Variants in GNG2 observed in about 807,000 individuals in gnomAD.
GNG2 encodes guanine nucleotide-binding protein G(I)/G(S)/G(O) subunit gamma-2.
Under a neutral mutation model 5.5 loss-of-function variants are expected in GNG2, and 5 were observed. That is an observed-to-expected ratio of 0.91 (90% CI 0.48 to 1.92). The LOEUF (loss-of-function observed/expected upper bound fraction) is 1.92, where lower values mean the gene tolerates loss of function less well. Among genes scored for constraint, GNG2 ranks in the 30% most tolerant of loss-of-function variants. GNG2 has a pLI of 0.01. For synonymous variants in GNG2, 28 were observed against 32.0 expected, an observed-to-expected ratio of 0.88 and a Z score of 0.42; for missense variants, 55 against 88.4, an observed-to-expected ratio of 0.62 and a Z score of 1.52.
intron 2 of GNG2, chr14:51,918,408 A>G (rs528289555): frequency 3.3e-5 from 5 of 152,140 alleles, no homozygotes; most frequent in Non-Finnish European, 7.4e-5. Flanking sequence ...AAAAAAGCAG[A>G]TTTTGCAGTT....
intron 2 of GNG2, among the ~76,000 whole-genome samples, chr14:51,943,428 C>G (rs1471976233): frequency 3.9e-5 from 6 of 152,216 alleles, no homozygotes; most frequent in Non-Finnish European, 8.8e-5. Flanking sequence ...AAAAGGGACA[C>G]TAGCAAAGAA....
intron 2 of GNG2, among the ~76,000 whole-genome samples, chr14:51,901,963 T>TAAAAA (rs34308582): frequency 1.1e-4 from 6 of 56,446 alleles, no homozygotes; most frequent in African/African-American, 3.3e-4. Flanking sequence ...TAACAATCTG[T>TAAAAA]AAAAAAAAAA....
chr14:51,862,830 G>C lies in GNG2; in HGVS notation c.-71+2040G>C, dbSNP rs146412840. ...CAGCAGATCAGTAACTATGATGGTA[G>C]AATGTTTAGGAAAAAGATGAATATG... On this transcript the variant is annotated intron_variant, in intron 1 of 3. Coordinates refer to ENST00000556766, the MANE Select transcript of GNG2 (RefSeq NM_053064.5). Among the ~76,000 whole-genome samples, 166 of 152,338 alleles carry C rather than the reference G, an allele frequency of 1.1e-3. 1 individual carries two copies. The highest frequency in any genetic ancestry group is 2.1e-3 in the Non-Finnish European group (141 of 68,032).
At chr14:51,909,414 A>G (rs971551796) in intron 2 of GNG2, among the ~76,000 whole-genome samples, 10 of 152,194 alleles carry the variant, frequency 6.6e-5, no homozygotes, top group African/African-American at 2.2e-4. Flanking sequence ...TGTTGTACCT[A>G]ATTACACTCT....
intron 2 of GNG2, among the ~76,000 whole-genome samples, chr14:51,830,029 G>A (rs557691075): frequency 1.3e-5 from 2 of 152,190 alleles, no homozygotes; most frequent in South Asian, 4.1e-4. Context: ...TTTTAGTAAA[G>A]ATGGGGTTTC....
At chr14:51,861,017 T>C (rs923504972) in intron 1 of GNG2, among the ~76,000 whole-genome samples, 1 of 152,114 alleles carries the variant, frequency 6.6e-6, no homozygotes, top group Non-Finnish European at 1.5e-5. Context: ...CAGGCCAACA[T>C]GCTAAATACA....
intron 2 of GNG2, among the ~76,000 whole-genome samples, chr14:51,931,340 A>G (rs1887647573): frequency 6.6e-6 from 1 of 152,182 alleles, no homozygotes; most frequent in African/African-American, 2.4e-5. Flanking sequence ...ATTGACTGCT[A>G]TATGGGAAAG....
rs1309188327 is a variant in GNG2 at position 51,925,264 on chromosome 14, ATAT to A, written c.-29-25385_-29-25383del. ...ATTATATCCAATCATGTAATTAATA[ATAT>A]AACACATAATACAATTAACATATAC... On this transcript the variant is annotated intron_variant, in intron 2 of 3. Transcript: ENST00000556766. Among the ~76,000 whole-genome samples the A allele has an allele frequency of 2.6e-5, 4 of 152,254 alleles. No homozygotes were observed. The South Asian group carries it at 8.3e-4, about 31-fold the overall frequency.
upstream of GNG2, among the ~76,000 whole-genome samples, chr14:51,855,984 G>A (rs772296225): frequency 3.9e-4 from 60 of 152,140 alleles, no homozygotes; most frequent in Admixed American, 2.0e-4. Context: ...ACCAGCCTGG[G>A]CAACATAGCA....
At chr14:51,851,667 G>A (rs904031411) in intron 2 of GNG2, among the ~76,000 whole-genome samples, 3 of 152,220 alleles carry the variant, frequency 2.0e-5, no homozygotes, top group African/African-American at 7.2e-5. Context: ...TCCTTAGACA[G>A]TTATTCCATA....
chr14:51,960,793 C>T (rs1466635611), intron 3 of GNG2, among the ~76,000 whole-genome samples: 2 of 152,184 alleles, frequency 1.3e-5, no homozygotes, highest in Non-Finnish European at 2.9e-5. Flanking sequence ...CTTGTTAGGA[C>T]TCTACTCAAT....
At chr14:51,861,902 A>G (rs1202147237) in intron 1 of GNG2, among the ~76,000 whole-genome samples, 1 of 152,242 alleles carries the variant, frequency 6.6e-6, no homozygotes, top group Non-Finnish European at 1.5e-5. Flanking sequence ...TAGAGTTTCT[A>G]TAATGAAAGG....
chr14:51,956,143 A>G (rs1190535513), intron 3 of GNG2, among the ~76,000 whole-genome samples: 1 of 152,174 alleles, frequency 6.6e-6, no homozygotes, highest in Non-Finnish European at 1.5e-5. Context: ...CTCACCCTAT[A>G]TATCTCTTTA....
At chr14:51,874,522 T>G (rs1883528361) in intron 1 of GNG2, among the ~76,000 whole-genome samples, 1 of 151,196 alleles carries the variant, frequency 6.6e-6, no homozygotes, top group Non-Finnish European at 1.5e-5. Context: ...GCTTGACCCC[T>G]GAGTTTGAGA....
chr14:51,951,936 C>T (rs773612530), intron 3 of GNG2: 11 of 700,602 alleles, frequency 1.6e-5, no homozygotes, highest in African/African-American at 8.8e-5. Context: ...CTCATCTGTG[C>T]GTTCCCAACA....
chr14:51,858,711 T>C (rs902362977), upstream of GNG2, among the ~76,000 whole-genome samples: 1 of 152,238 alleles, frequency 6.6e-6, no homozygotes, highest in African/African-American at 2.4e-5. Context: ...CATTTAAAAG[T>C]TCCTGGTAAC....
chr14:51,937,623 AT>A (rs60571273), intron 2 of GNG2, among the ~76,000 whole-genome samples: 64,284 of 133,466 alleles, frequency 0.48, 17,683 homozygotes, highest in Admixed American at 0.56. Flanking sequence ...GAAATACATA[AT>A]TTTTTTTTTT....
chr14:51,887,625 A>G (rs1286203572), intron 2 of GNG2, among the ~76,000 whole-genome samples: 2 of 152,196 alleles, frequency 1.3e-5, no homozygotes, highest in Non-Finnish European at 2.9e-5. Context: ...GGTTGGGTCT[A>G]TAATAGGAGC....
intron 2 of GNG2, among the ~76,000 whole-genome samples, chr14:51,889,656 G>A (rs1884715182): frequency 6.6e-6 from 1 of 152,116 alleles, no homozygotes; most frequent in Admixed American, 6.5e-5. Context: ...AAAACTTAAA[G>A]CTTTTTAACT....
Sources: allele counts gnomAD v4.1 joint callset (sites outside exome capture counted in the v4.1 genomes callset), GRCh38; gene constraint gnomAD v4.1.1; transcripts MANE v1.5; gene names NCBI Gene and HGNC (gene_info 2026-07-23, HGNC 2026-07-21).